MAF: variants seen among roughly 807,000 people sequenced by gnomAD.
MAF encodes MAF bZIP transcription factor, also known as transcription factor Maf.
In MAF, 10 loss-of-function variants were observed where a neutral mutation model predicts 22.0. That is an observed-to-expected ratio of 0.45 (90% CI 0.28 to 0.77). The LOEUF is 0.77. MAF is among the 30% of genes least tolerant of loss of function. MAF has a pLI of 0.12. For synonymous variants in MAF, 337 were observed against 255.8 expected, an observed-to-expected ratio of 1.32 and a Z score of -3.03; for missense variants, 544 against 548.4, an observed-to-expected ratio of 0.99 and a Z score of 0.08.
chr16:79,562,508 T>C, the MAF span, among the ~76,000 whole-genome samples: 1 of 152,190 alleles, frequency 6.6e-6, no homozygotes, highest in Non-Finnish European at 1.5e-5. Context: ...TAAAGGCCCA[T>C]TGTCTAACCA....
the MAF span, among the ~76,000 whole-genome samples, chr16:79,469,160 T>C: frequency 6.6e-6 from 1 of 152,170 alleles, no homozygotes; most frequent in Non-Finnish European, 1.5e-5. Context: ...CACTGCCCAT[T>C]TTTGTAAATA....
the MAF span, among the ~76,000 whole-genome samples, chr16:79,331,682 C>G: frequency 1.3e-5 from 2 of 152,164 alleles, no homozygotes; most frequent in South Asian, 4.1e-4. Flanking sequence ...GCATGGGTCT[C>G]CAGCTCTTGG....
the MAF span, among the ~76,000 whole-genome samples, chr16:79,580,360 A>G: frequency 6.6e-6 from 1 of 152,228 alleles, no homozygotes; most frequent in African/African-American, 2.4e-5. Flanking sequence ...AACAGTCTAA[A>G]TAACACGGTT....
At chr16:79,410,939 G>T in the MAF span, among the ~76,000 whole-genome samples, 14 of 152,124 alleles carry the variant, frequency 9.2e-5, no homozygotes, top group East Asian at 1.9e-4. Context: ...CAGGGAGGGG[G>T]GACCTGACCT....
the MAF span, among the ~76,000 whole-genome samples, chr16:79,518,016 A>G: frequency 6.6e-6 from 1 of 152,196 alleles, no homozygotes; most frequent in East Asian, 1.9e-4. Context: ...TCGTTGTGCT[A>G]CTAGTTAATC....
the MAF span, among the ~76,000 whole-genome samples, chr16:79,275,792 T>C: frequency 6.6e-6 from 1 of 152,172 alleles, no homozygotes; most frequent in Non-Finnish European, 1.5e-5. Flanking sequence ...GTATCTCTTC[T>C]GTGCAAAAAT....
chr16:79,225,151 T>C, the MAF span, among the ~76,000 whole-genome samples: 1 of 152,156 alleles, frequency 6.6e-6, no homozygotes, highest in Non-Finnish European at 1.5e-5. Flanking sequence ...ATGGTACTGG[T>C]GCCAAAACAG....
the MAF span, among the ~76,000 whole-genome samples, chr16:79,505,915 A>G: frequency 6.6e-6 from 1 of 152,132 alleles, no homozygotes; most frequent in South Asian, 2.1e-4. Flanking sequence ...CACCCAACGC[A>G]AAGAACAATG....
At chr16:79,346,505 A>G in the MAF span, among the ~76,000 whole-genome samples, 1 of 151,364 alleles carries the variant, frequency 6.6e-6, no homozygotes, top group Non-Finnish European at 1.5e-5. Flanking sequence ...AACGGCAAAG[A>G]AAAAAAAACC....
At chr16:79,228,645 C>G in the MAF span, among the ~76,000 whole-genome samples, 8 of 151,976 alleles carry the variant, frequency 5.3e-5, no homozygotes, top group Admixed American at 5.3e-4. Context: ...CACAGGTACA[C>G]AAAGACAGGC....
chr16:79,358,568 G>A, the MAF span, among the ~76,000 whole-genome samples: 1 of 152,192 alleles, frequency 6.6e-6, no homozygotes. Context: ...AGACTGCAGT[G>A]AAGGATCCCA....
chr16:79,470,744 C>T, the MAF span, among the ~76,000 whole-genome samples: 4 of 152,230 alleles, frequency 2.6e-5, no homozygotes, highest in Admixed American at 1.3e-4. Context: ...GATGCTGGGG[C>T]CATAGAAGGC....
chr16:79,211,767 C>T, the MAF span: 3 of 1,614,030 alleles, frequency 1.9e-6, no homozygotes, highest in Non-Finnish European at 2.5e-6. Flanking sequence ...GAGGCTGATC[C>T]AAGAACGGCT....
chr16:79,424,239 T>G, the MAF span, among the ~76,000 whole-genome samples: 3 of 152,148 alleles, frequency 2.0e-5, no homozygotes, highest in Admixed American at 2.0e-4. Flanking sequence ...ATAATGAAGC[T>G]TTGCCGAGAT....
At position 79,600,572 on chromosome 16, in the gene MAF, G is replaced by T. The variant is rs571919489; in HGVS notation, c.-670C>A. The T allele has an allele frequency of 5.1e-6, 1 of 196,084 alleles. No homozygotes were observed. Among genetic ancestry groups the T allele is most frequent in the East Asian group, 9.0e-5 (1 of 11,104 alleles). The allele number at this position is 196,084 out of a possible 1,614,324, so 12.1% of individuals were successfully genotyped here. A position where few individuals can be genotyped will look rare whatever the true frequency, so the allele number is the denominator to read the frequency against. ...GTGCAGCCCGACTGGAGGAGAGGGAGGGGGGAGTTTAGTTCTTTCTTGCCT... is the reference window on the plus strand; with the variant it reads ...GTGCAGCCCGACTGGAGGAGAGGGATGGGGGAGTTTAGTTCTTTCTTGCCT... On this transcript the variant is annotated 5_prime_UTR_variant, in exon 1 of 2. Coordinates refer to ENST00000326043, the MANE Select transcript of MAF (RefSeq NM_005360.5).
chr16:79,545,717 G>A, the MAF span, among the ~76,000 whole-genome samples: 1 of 152,130 alleles, frequency 6.6e-6, no homozygotes. Flanking sequence ...TAGAAGCAGA[G>A]AGTAGTACGG....
chr16:79,339,457 C>T, the MAF span, among the ~76,000 whole-genome samples: 1 of 152,106 alleles, frequency 6.6e-6, no homozygotes, highest in East Asian at 1.9e-4. Context: ...GATAACAGAC[C>T]CACACATGAA....
the MAF span, among the ~76,000 whole-genome samples, chr16:79,517,902 G>A: frequency 8.1e-3 from 1,236 of 152,236 alleles, 21 homozygotes; most frequent in African/African-American, 0.028. Context: ...CAAAGTTGGA[G>A]CTCTGAAAAC....
At chr16:79,327,226 G>C in the MAF span, among the ~76,000 whole-genome samples, 5 of 152,342 alleles carry the variant, frequency 3.3e-5, no homozygotes, top group South Asian at 1.0e-3. Context: ...AGGGAGACCA[G>C]TTCGGTAGTG....
Sources: allele counts gnomAD v4.1 joint callset (sites outside exome capture counted in the v4.1 genomes callset), GRCh38; gene constraint gnomAD v4.1.1; transcripts MANE v1.5; gene names NCBI Gene and HGNC (gene_info 2026-07-23, HGNC 2026-07-21).